BTBD3: variants seen among roughly 807,000 people sequenced by gnomAD.
BTBD3 encodes the protein BTB/POZ domain-containing protein 3.
In BTBD3, 14 loss-of-function variants were observed where a neutral mutation model predicts 41.6. The observed-to-expected ratio is 0.34, with a 90% CI of 0.22 to 0.53. The LOEUF is 0.53. Among genes scored for constraint, BTBD3 ranks in the 20% least tolerant of loss-of-function variants. The pLI is 0.95. For missense variants in BTBD3, 426 were observed against 654.7 expected (o/e 0.65, Z 3.81); for synonymous variants, 249 against 233.7 (o/e 1.07, Z -0.60).
Position 11,922,937 on chromosome 20 carries a change from C to T in BTBD3, c.840C>T (p.Ala280=). 2.5e-6 allele frequency: 4 copies of T among 1,614,192 alleles called. No individual in the cohort carries two copies. Among genetic ancestry groups the T allele is most frequent in the Non-Finnish European group, 3.4e-6 (4 of 1,180,032 alleles). ...ESILRRETLN[A]KEIVVFEAAL... is the part of the protein sequence containing the mutation. ...TTCTCCGTAGGGAAACTCTGAATGCCAAAGAAATTGTGGTTTTTGAGGCAG... is the reference window on the plus strand; with the variant it reads ...TTCTCCGTAGGGAAACTCTGAATGCTAAAGAAATTGTGGTTTTTGAGGCAG... Residue 280 remains alanine (A), a synonymous_variant, in exon 4 of 4, where the codon GCC becomes GCT. Coordinates refer to ENST00000378226, the MANE Select transcript of BTBD3 (RefSeq NM_014962.4).
At chr20:11,894,641 TC>T (rs146654703) in intron 1 of BTBD3, among the ~76,000 whole-genome samples, 17 of 151,756 alleles carry the variant, frequency 1.1e-4, no homozygotes, top group South Asian at 2.1e-4. Context: ...TTTTTAGTTT[TC>T]TTTTTTTTCT....
chr20:11,898,859 G>A (rs1375082494), intron 1 of BTBD3, among the ~76,000 whole-genome samples: 4 of 152,146 alleles, frequency 2.6e-5, no homozygotes, highest in African/African-American at 4.8e-5. Context: ...CTAATGGATA[G>A]GACCAGGTCA....
In BTBD3 at chr20:11,923,121, C is replaced by T. The variant is rs2122336608; in HGVS notation, c.1024C>T (p.Leu342Phe). The change falls in exon 4 of 4, where the codon CTC (leucine) becomes TTC (phenylalanine). Residue 342 changes from leucine (L) to phenylalanine (F), a missense_variant. Leu to Phe is a conservative substitution (Grantham distance 22). This residue lies in a region of BTBD3 where 321 missense variants were observed against 534.8 expected (regional missense o/e 0.60). Transcript: ENST00000378226. The surrounding 1 kb of genome is among the most constrained non-coding windows in gnomAD (Gnocchi z 5.3). ...TGCTGCACAGTCCGGGGTATTAACT[C>T]TCAATGAGACCAACGACATCTTCCT... ...NGAAQSGVLT[L>F]NETNDIFLWY... is the part of the protein sequence containing the mutation. The T allele has an allele frequency of 6.2e-7, 1 of 1,614,086 alleles. No homozygotes were observed. The highest frequency in any genetic ancestry group is 1.3e-5 in the African/African-American group (1 of 75,062).
intron 3 of BTBD3, among the ~76,000 whole-genome samples, chr20:11,921,252 T>A (rs756466589): frequency 3.3e-5 from 5 of 152,232 alleles, no homozygotes; most frequent in Non-Finnish European, 7.3e-5. Flanking sequence ...GAATTACATC[T>A]CACCTAAGTC....
intron 1 of BTBD3, among the ~76,000 whole-genome samples, chr20:11,898,596 G>C (rs187884691): frequency 2.0e-5 from 3 of 152,094 alleles, no homozygotes. Context: ...TTATTAATGT[G>C]TCCTGAGTGC....
chr20:11,908,335 TTTTTA>T (rs2056869143), intron 1 of BTBD3, among the ~76,000 whole-genome samples: 2 of 147,838 alleles, frequency 1.4e-5, no homozygotes, highest in Admixed American at 6.8e-5. Flanking sequence ...TTTTTTTTTT[TTTTTA>T]AATAAGGTAC....
chr20:11,915,908 C>T (rs2056915155), upstream of BTBD3, among the ~76,000 whole-genome samples: 1 of 152,122 alleles, frequency 6.6e-6, no homozygotes. Context: ...ATCCACTTTA[C>T]TTTTTTTCTT....
intron 1 of BTBD3, among the ~76,000 whole-genome samples, chr20:11,904,951 C>T (rs1293435461): frequency 6.6e-6 from 1 of 152,142 alleles, no homozygotes; most frequent in Non-Finnish European, 1.5e-5. Context: ...ATTGTAATTG[C>T]ATTCTTATTA....
At position 11,922,852 on chromosome 20, in the gene BTBD3, C is replaced by T. The variant is rs202207833; in HGVS notation, c.755C>T (p.Ala252Val). The change falls in exon 4 of 4, where the codon GCT becomes GTT. Residue 252 changes from alanine (A) to valine (V), a missense_variant. By Grantham distance (64) the Ala-to-Val change is moderately conservative. Transcript: ENST00000378226. ...TGCTGGGAGGTGATTGATGCCCAGGCTGAGTTAGCTCTCAAGTCTGAGGGA... is the reference window on the plus strand; with the variant it reads ...TGCTGGGAGGTGATTGATGCCCAGGTTGAGTTAGCTCTCAAGTCTGAGGGA... ...QRCWEVIDAQ[A>V]ELALKSEGFC... 6.2e-7 allele frequency: 1 copy of T among 1,614,232 alleles called. No individual in the cohort carries two copies. The highest frequency in any genetic ancestry group is 8.5e-7 in the Non-Finnish European group (1 of 1,180,050).
At position 11,924,859 on chromosome 20, in the gene BTBD3, A is replaced by ATGGCC. The variant is rs2057005695; in HGVS notation, c.*1197_*1201dup. 1 of 152,680 alleles carries ATGGCC rather than the reference A, an allele frequency of 6.5e-6. No homozygotes were observed. Among genetic ancestry groups the ATGGCC allele is most frequent in the Non-Finnish European group, 1.5e-5 (1 of 68,042 alleles). The allele number at this position is 152,680 out of a possible 1,614,324, so 9.5% of individuals were successfully genotyped here. On this transcript the variant is annotated 3_prime_UTR_variant, in exon 4 of 4. Transcript: ENST00000378226. ...CATATGCCTGCAGGGTTTATAAAAA[A>ATGGCC]TGGCCTGGAGTGACACATTTTATTA...
intron 1 of BTBD3, among the ~76,000 whole-genome samples, chr20:11,899,163 C>A (rs542562696): frequency 5.9e-5 from 9 of 152,050 alleles, no homozygotes; most frequent in Non-Finnish European, 1.3e-4. Flanking sequence ...ATGGCCCCTT[C>A]TAGTCTTTTT....
intron 1 of BTBD3, among the ~76,000 whole-genome samples, chr20:11,904,504 C>T (rs1276654214): frequency 2.0e-5 from 3 of 152,116 alleles, no homozygotes; most frequent in East Asian, 1.9e-4. Context: ...CTTACAATTA[C>T]GCTTACGATA....
intron 1 of BTBD3, chr20:11,910,654 T>TA (rs2056883834): frequency 6.6e-6 from 1 of 152,234 alleles, no homozygotes; most frequent in African/African-American, 2.4e-5. Context: ...TTAACCTATG[T>TA]ATAAAGTAGT....
chr20:11,908,627 A>T lies in BTBD3; in HGVS notation c.-125-9707A>T, dbSNP rs73897033. 1.8e-3 allele frequency among the ~76,000 whole-genome samples: 278 copies of T among 152,072 alleles called. 3 individuals are homozygous for T. Among genetic ancestry groups the T allele is most frequent in the African/African-American group, 6.4e-3 (266 of 41,510 alleles). ...CCTACTTATATAGTAGCTCTTAATT[A>T]AAAAAATAATTATTTTTATTTTAGA... On this transcript the variant is annotated intron_variant, in intron 1 of 4. Coordinates refer to the BTBD3 transcript ENST00000254977.
intron 1 of BTBD3, chr20:11,910,607 TAAGC>T (rs2056883575): frequency 6.6e-6 from 1 of 152,240 alleles, no homozygotes; most frequent in African/African-American, 2.4e-5. Flanking sequence ...TGTTTGAAAG[TAAGC>T]AATATCTTCT....
chr20:11,897,484 CAAAA>C (rs71186168), intron 1 of BTBD3, among the ~76,000 whole-genome samples: 8 of 65,386 alleles, frequency 1.2e-4, no homozygotes, highest in African/African-American at 3.0e-4. Flanking sequence ...GTTATTTAAG[CAAAA>C]AAAAAAAAAA....
intron 1 of BTBD3, chr20:11,891,357 G>C (rs1213668182): frequency 6.6e-6 from 1 of 151,980 alleles, no homozygotes; most frequent in African/African-American, 2.4e-5. Context: ...CAGGGGGCGC[G>C]GTCGGGAAGC....
At chr20:11,906,254 C>CCTTT (rs2056853304) in intron 1 of BTBD3, among the ~76,000 whole-genome samples, 1 of 36,194 alleles carries the variant, frequency 2.8e-5, no homozygotes, top group Non-Finnish European at 4.9e-5. Flanking sequence ...ATTATTACTC[C>CCTTT]TTTTTTTTTT....
chr20:11,892,950 A>C (rs1473663122), intron 1 of BTBD3, among the ~76,000 whole-genome samples: 6 of 152,230 alleles, frequency 3.9e-5, no homozygotes, highest in Non-Finnish European at 7.3e-5. Context: ...ACAAAATGTT[A>C]AACTGCTTGT....
Sources: allele counts gnomAD v4.1 joint callset (sites outside exome capture counted in the v4.1 genomes callset), GRCh38; gene constraint gnomAD v4.1.1; regional missense constraint gnomAD v4.1.1; non-coding constraint Gnocchi (gnomAD v3.1); transcripts MANE v1.5; gene names NCBI Gene and HGNC (gene_info 2026-07-23, HGNC 2026-07-21).